Variants in MYO1H observed in about 807,000 individuals in gnomAD.
MYO1H encodes the protein unconventional myosin-Ih.
MYO1H carries 118 observed loss-of-function variants against 149.3 expected under a neutral mutation model. That is an observed-to-expected ratio of 0.79 (90% CI 0.68 to 0.92). The LOEUF (loss-of-function observed/expected upper bound fraction) is 0.92. MYO1H is among the 40% of genes least tolerant of loss of function. The pLI is 0.00. For missense variants in MYO1H, 1,212 were observed against 1,280.7 expected, an observed-to-expected ratio of 0.95 and a Z score of 0.82; for synonymous variants, 447 against 465.2, an observed-to-expected ratio of 0.96 and a Z score of 0.50.
intron 11 of MYO1H, 74 bp from the exon 12 acceptor site, chr12:109,409,889 A>G (rs1249662271): frequency 2.2e-6 from 2 of 898,994 alleles, no homozygotes; most frequent in African/African-American, 3.4e-5. Context: ...AGTATGCCTA[A>G]AAAGAATATA....
intron 7 of MYO1H, among the ~76,000 whole-genome samples, chr12:109,404,862 T>TC (rs1870310215): frequency 7.0e-6 from 1 of 143,604 alleles, no homozygotes; most frequent in South Asian, 2.3e-4. Flanking sequence ...TTTTTTTTTT[T>TC]CATTTTGATT....
rs965682283 is a variant in MYO1H at position 109,404,085 on chromosome 12, G to A, written c.849+5G>A. On this transcript the variant is annotated splice_donor_5th_base_variant and intron_variant, in intron 7 of 31. Transcript: ENST00000310903. ...TTTACTGAAGCTGACCTCGAGGTACGTGCTTTTGCAGCAGAACTGATAGTT... is the reference window on the plus strand; with the variant it reads ...TTTACTGAAGCTGACCTCGAGGTACATGCTTTTGCAGCAGAACTGATAGTT... 10 of 1,609,052 alleles carry A rather than the reference G, an allele frequency of 6.2e-6. No homozygotes were observed. Among genetic ancestry groups the A allele is most frequent in the East Asian group, 2.2e-5 (1 of 44,860 alleles).
rs1310966581 is a variant in MYO1H, at chr12:109,440,691, C to T, written c.2455-53C>T. 3.8e-6 allele frequency: 5 copies of T among 1,325,122 alleles called. No homozygotes were observed. In the East Asian group the frequency reaches 1.3e-4, roughly 33 times the overall value. The allele number at this position is 1,325,122 out of a possible 1,614,324, so 82.1% of individuals were successfully genotyped here. Reference sequence around the variant, plus strand: ...TAAAGCTTCATTTTGATCGCCACAGCCCCAGACAGGGAGTGAGTGAGGCAA... The same window carrying T: ...TAAAGCTTCATTTTGATCGCCACAGTCCCAGACAGGGAGTGAGTGAGGCAA... On this transcript the variant is annotated intron_variant, in intron 24 of 31. Transcript: ENST00000310903.
chr12:109,443,353 TATACACACAC>T lies in MYO1H; in HGVS notation c.2689-159_2689-150del, dbSNP rs1240109206. 3.0e-4 allele frequency among the ~76,000 whole-genome samples: 28 copies of T among 91,956 alleles called. 7 individuals carry two copies. Among genetic ancestry groups the T allele is most frequent in the African/African-American group, 6.8e-4 (13 of 19,232 alleles). 60.3% of individuals were successfully genotyped at this position (91,956 alleles called of 152,430 possible). On this transcript the variant is annotated intron_variant, in intron 27 of 31. Transcript: ENST00000310903. ...GTATGTGTACGTATATATGTGTGTA[TATACACACAC>T]ACACACACACACACACACACACACA...
chr12:109,432,465 TTGTC>T (rs1871671228), intron 19 of MYO1H, among the ~76,000 whole-genome samples: 2 of 152,210 alleles, frequency 1.3e-5, no homozygotes, highest in South Asian at 2.1e-4. Context: ...CTATGTTTGT[TTGTC>T]TGTTCAGTTT....
intron 1 of MYO1H, among the ~76,000 whole-genome samples, chr12:109,348,417 A>G (rs1467025771): frequency 6.6e-6 from 1 of 152,212 alleles, no homozygotes; most frequent in African/African-American, 2.4e-5. Context: ...CTGTGTTAGC[A>G]TGGTTGGGTC....
At chr12:109,425,958 T>C (rs920943638) in exon 18 of MYO1H, 1 of 1,613,122 alleles carries the variant, frequency 6.2e-7, no homozygotes, top group African/African-American at 1.3e-5. Context: ...GGGGACTCAG[T>C]TTAAAAACAG....
At chr12:109,411,056 T>G (rs541144844) in intron 13 of MYO1H, among the ~76,000 whole-genome samples, 1 of 152,054 alleles carries the variant, frequency 6.6e-6, no homozygotes. Context: ...ACAGGAGAAT[T>G]GCTTGAACCC....
chr12:109,436,495 A>C, exon 22 of MYO1H: 1 of 1,610,152 alleles, frequency 6.2e-7, no homozygotes, highest in South Asian at 1.1e-5. Flanking sequence ...AAGTTGCAAG[A>C]ATCCAAGCCA....
chr12:109,405,336 G>A (rs1184314005), intron 7 of MYO1H, among the ~76,000 whole-genome samples: 2 of 152,166 alleles, frequency 1.3e-5, no homozygotes, highest in African/African-American at 2.4e-5. Flanking sequence ...TTTTGAGACA[G>A]AGTCTTGCTC....
At chr12:109,340,696 A>G in the MYO1H span, among the ~76,000 whole-genome samples, 6 of 147,600 alleles carry the variant, frequency 4.1e-5, no homozygotes, top group African/African-American at 1.3e-4. Context: ...AATTACATTC[A>G]TGTATTTTTT....
chr12:109,356,863 G>A (rs1324137496), intron 1 of MYO1H, among the ~76,000 whole-genome samples: 1 of 152,198 alleles, frequency 6.6e-6, no homozygotes, highest in African/African-American at 2.4e-5. Flanking sequence ...TTCAACTGTA[G>A]AGCTGTCAGT....
rs1397964359 is a variant in MYO1H at position 109,427,589 on chromosome 12, A to G, written c.1949+3A>G. The G allele has an allele frequency of 1.3e-6, 2 of 1,595,252 alleles. No individual in the cohort carries two copies. The highest frequency in any genetic ancestry group is 1.7e-6 in the Non-Finnish European group (2 of 1,163,526). On this transcript the variant is annotated splice_donor_region_variant and intron_variant, in intron 19 of 31. Transcript: ENST00000310903. ...AAATACGAGCATTTCTTGCAAAGGTAAAATGTGCTTTATTGATCTGAAGCC... is the reference window on the plus strand; with the variant it reads ...AAATACGAGCATTTCTTGCAAAGGTGAAATGTGCTTTATTGATCTGAAGCC...
intron 1 of MYO1H, among the ~76,000 whole-genome samples, chr12:109,353,323 G>A (rs1868504497): frequency 6.8e-6 from 1 of 147,940 alleles, no homozygotes; most frequent in South Asian, 2.2e-4. Context: ...GAACCCGGGA[G>A]GCGGAGGTTG....
intron 1 of MYO1H, among the ~76,000 whole-genome samples, chr12:109,375,133 G>A (rs1489003103): frequency 6.7e-6 from 1 of 149,326 alleles, no homozygotes; most frequent in African/African-American, 2.5e-5. Flanking sequence ...GGGATTACAG[G>A]CGTAAGCCAC....
chr12:109,397,535 C>T (rs533388131), intron 4 of MYO1H, among the ~76,000 whole-genome samples, 197 bp from the exon 5 acceptor site: 1 of 152,146 alleles, frequency 6.6e-6, no homozygotes, highest in Non-Finnish European at 1.5e-5. Context: ...CCCCTTTTCT[C>T]CCCGGGTCCA....
At chr12:109,406,300 C>A (rs1870381631) in intron 8 of MYO1H, among the ~76,000 whole-genome samples, 1 of 151,726 alleles carries the variant, frequency 6.6e-6, no homozygotes, top group South Asian at 2.1e-4. Flanking sequence ...TCTATGAACT[C>A]TTTATAAGTT....
rs749108891 is a variant in MYO1H, at chr12:109,433,000, A to C, written c.2053A>C (p.Lys685Gln). Reference sequence around the variant, plus strand: ...CATCGGCTACAAACCCGAGGAATACAAGTTAGGCAAGTAAGTGACCAGAAG... The same window carrying C: ...CATCGGCTACAAACCCGAGGAATACCAGTTAGGCAAGTAAGTGACCAGAAG... Residue 685 changes from lysine (K) to glutamine (Q), a missense_variant, in exon 20 of 32, where the codon AAG (lysine) becomes CAG (glutamine). Lys to Gln is a moderately conservative substitution (Grantham distance 53, BLOSUM62 1). Transcript: ENST00000310903. The C allele has an allele frequency of 2.8e-5, 45 of 1,613,786 alleles. No individual in the cohort carries two copies. In the East Asian group the frequency reaches 9.6e-4, roughly 34 times the overall value.
At chr12:109,342,274 A>G in the MYO1H span, among the ~76,000 whole-genome samples, 1 of 151,494 alleles carries the variant, frequency 6.6e-6, no homozygotes, top group African/African-American at 2.4e-5. Context: ...CCTCCCAAGT[A>G]GCTAGGACTA....
Sources: gnomAD v4.1 joint callset for allele counts (sites outside exome capture counted in the v4.1 genomes callset) on GRCh38, gnomAD v4.1.1 for gene constraint, MANE v1.5 for transcripts, NCBI Gene and HGNC (gene_info 2026-07-23, HGNC 2026-07-21) for gene names.